AP2A2: variants seen among roughly 807,000 people sequenced by gnomAD.
AP2A2 encodes the protein AP-2 complex subunit alpha-2.
Under a neutral mutation model 104.2 loss-of-function variants are expected in AP2A2, and 32 were observed. The ratio of observed to expected loss-of-function variants is 0.31; its 90% CI spans 0.23 to 0.41. The LOEUF is 0.41. Ranked by LOEUF, AP2A2 falls within the 10% of genes least tolerant of loss-of-function variation. The pLI is 1.00. For missense variants in AP2A2, 912 were observed against 1,261.0 expected (o/e 0.72, Z 4.19); for synonymous variants, 539 against 533.3 (o/e 1.01, Z -0.15).
chr11:983,434 G>C (rs1176396073), intron 6 of AP2A2, among the ~76,000 whole-genome samples: 1 of 151,552 alleles, frequency 6.6e-6, no homozygotes, highest in Non-Finnish European at 1.5e-5. Context: ...CCAGGCTGGA[G>C]TGCAGTGGCA....
intron 16 of AP2A2, among the ~76,000 whole-genome samples, chr11:1,004,541 C>T (rs1363603981): frequency 1.3e-5 from 2 of 151,656 alleles, no homozygotes; most frequent in Non-Finnish European, 2.9e-5. Flanking sequence ...TTTGGGAGGC[C>T]GAGGTGGGAG....
At position 989,915 on chromosome 11, in the gene AP2A2, G is replaced by GT. The variant is rs200935781; in HGVS notation, c.1269+1234dup. Among the ~76,000 whole-genome samples the GT allele has an allele frequency of 3.9e-3, 586 of 152,144 alleles. 3 individuals carry two copies. Among genetic ancestry groups the GT allele is most frequent in the African/African-American group, 0.014 (568 of 41,514 alleles). ...TTGTATAGAAAGCGCTTTGTTATTT[G>GT]TTTTTTTTGGGCGAAGTGCGGCTCA... On this transcript the variant is annotated intron_variant, in intron 10 of 21. Transcript: ENST00000448903.
intron 2 of AP2A2, among the ~76,000 whole-genome samples, chr11:960,099 C>G (rs1242650528): frequency 1.3e-5 from 2 of 152,140 alleles, no homozygotes; most frequent in Non-Finnish European, 2.9e-5. Context: ...CTGAAATTGC[C>G]CAGGCACAAT....
intron 1 of AP2A2, among the ~76,000 whole-genome samples, chr11:939,978 CAG>C (rs1853591949): frequency 9.3e-6 from 1 of 107,530 alleles, no homozygotes; most frequent in Non-Finnish European, 1.8e-5. Flanking sequence ...TTTTTTGAGA[CAG>C]AGTTTCACTC....
At chr11:970,087 TACTGCTGC>T in intron 2 of AP2A2, 74 bp from the exon 3 acceptor site, 1 of 1,495,264 alleles carries the variant, frequency 6.7e-7, no homozygotes, top group Admixed American at 1.8e-5. Context: ...CTGCCTGCTG[TACTGCTGC>T]ACTGCCCTCT....
chr11:1,008,649 C>T (rs1441146705), intron 18 of AP2A2: 4 of 211,682 alleles, frequency 1.9e-5, no homozygotes, highest in Non-Finnish European at 3.7e-5. Flanking sequence ...TCAGCCCGTC[C>T]CCTGCTGGGT....
Position 992,532 on chromosome 11 carries a change from G to A in AP2A2, c.1299G>A (p.Lys433=). The A allele has an allele frequency of 1.9e-6, 3 of 1,606,752 alleles. No homozygotes were observed. The highest frequency in any genetic ancestry group is 2.5e-6 in the Non-Finnish European group (3 of 1,176,656). The change falls in exon 11 of 22, where the codon AAG becomes AAA. Residue 433 remains lysine (K), a synonymous_variant. Coordinates refer to ENST00000448903, the MANE Select transcript of AP2A2 (RefSeq NM_012305.4). The surrounding 1 kb of genome is among the most constrained non-coding windows in gnomAD (Gnocchi z 6.4). The stretch of plus-strand genomic sequence containing the variant: ...TGAAGGTCGCCATCCTGGCTGAGAA[G>A]TACGCGGTGGACTACACCTGGTATG... ...IVLKVAILAE[K]YAVDYTWYVD... is the part of the protein sequence containing the mutation.
rs369864732 is a variant in AP2A2, at chr11:950,174, A to G, written c.68-9263A>G. 7.2e-5 allele frequency among the ~76,000 whole-genome samples: 11 copies of G among 152,278 alleles called. No individual in the cohort carries two copies. The South Asian group carries it at 2.3e-3, about 32-fold the overall frequency. ...TGCTGGGATGACTGAATCTCCATGT[A>G]AAAGTATGTAAATGGACTCCTACCT... is the stretch of plus-strand genomic sequence containing the variant. On this transcript the variant is annotated intron_variant, in intron 1 of 21. Coordinates refer to ENST00000448903, the MANE Select transcript of AP2A2 (RefSeq NM_012305.4).
chr11:958,527 C>T (rs565609503), intron 1 of AP2A2, among the ~76,000 whole-genome samples: 1 of 152,246 alleles, frequency 6.6e-6, no homozygotes, highest in African/African-American at 2.4e-5. Flanking sequence ...AAAAGAAAGA[C>T]TATTTTAAAT....
intron 2 of AP2A2, 112 bp from the exon 3 acceptor site, chr11:970,057 C>T (rs1854765085): frequency 8.2e-7 from 1 of 1,221,256 alleles, no homozygotes; most frequent in Admixed American, 2.1e-5. Flanking sequence ...GGCCACCCCT[C>T]TCCTGGAGGC....
chr11:953,814 C>CAG (rs1167090800), intron 1 of AP2A2, among the ~76,000 whole-genome samples: 3 of 151,588 alleles, frequency 2.0e-5, no homozygotes, highest in Non-Finnish European at 4.4e-5. Context: ...AGACGTGACA[C>CAG]TACTCTTCTC....
chr11:951,041 G>A (rs1288080997), intron 1 of AP2A2, among the ~76,000 whole-genome samples: 6 of 151,462 alleles, frequency 4.0e-5, no homozygotes, highest in African/African-American at 1.5e-4. Context: ...GCAGTGAGCC[G>A]AGGTCATGTC....
At chr11:997,777 T>TCACAC (rs1855900970) in intron 14 of AP2A2, among the ~76,000 whole-genome samples, 1 of 152,116 alleles carries the variant, frequency 6.6e-6, no homozygotes, top group Non-Finnish European at 1.5e-5. Context: ...TGGTGGTGTG[T>TCACAC]GCCTGTAATC....
intron 6 of AP2A2, among the ~76,000 whole-genome samples, chr11:981,848 A>G (rs1855252302): frequency 6.6e-6 from 1 of 152,194 alleles, no homozygotes; most frequent in Non-Finnish European, 1.5e-5. Context: ...GCAGTCTTGG[A>G]TGTCCCTTGG....
chr11:926,207 CCGGGGCCTGAGGGTGCGGGCGGCGCT>C, intron 1 of AP2A2, 119 bp downstream of exon 1: 1 of 547,742 alleles, frequency 1.8e-6, no homozygotes, highest in Non-Finnish European at 2.4e-6. Flanking sequence ...CGGGCGGGGC[CCGGGGCCTGAGGGTGCGGGCGGCGCT>C]CGGGGTCTTG....
chr11:979,848 A>G (rs554608957), intron 5 of AP2A2, among the ~76,000 whole-genome samples: 7 of 152,234 alleles, frequency 4.6e-5, no homozygotes, highest in Admixed American at 6.5e-5. Flanking sequence ...ATTACAGCAT[A>G]AGCCACCGTG....
At chr11:977,030 G>T in intron 4 of AP2A2, 65 bp from the exon 5 acceptor site, 13 of 1,600,842 alleles carry the variant, frequency 8.1e-6, no homozygotes, top group Non-Finnish European at 1.1e-5. Context: ...CTCTGGGGGG[G>T]TGCTCCGTGC....
At chr11:1,008,495 C>T (rs926056451) in intron 18 of AP2A2, 12 of 228,214 alleles carry the variant, frequency 5.3e-5, no homozygotes, top group East Asian at 2.0e-4. Context: ...TGGTTTCCTT[C>T]GGCCCCCTGG....
Position 1,009,203 on chromosome 11 carries a change from A to G in AP2A2, c.2524A>G (p.Lys842Glu), listed in dbSNP as rs775427539. 1 of 1,613,684 alleles carries G rather than the reference A, an allele frequency of 6.2e-7. No individual in the cohort carries two copies. The highest frequency in any genetic ancestry group is 8.5e-7 in the Non-Finnish European group (1 of 1,179,800). The change falls in exon 19 of 22, where the codon AAG becomes GAG. Residue 842 changes from lysine (K) to glutamate (E), a missense_variant. Lys to Glu is a moderately conservative substitution (Grantham distance 56). Coordinates refer to ENST00000448903, the MANE Select transcript of AP2A2 (RefSeq NM_012305.4). ...TTCTCAGGATTTCTTTCAACGTTGGAAGCAGTTGAGCAAGTGAGAAACCTG... is the reference window on the plus strand; with the variant it reads ...TTCTCAGGATTTCTTTCAACGTTGGGAGCAGTTGAGCAAGTGAGAAACCTG... ...MASQDFFQRW[K>E]QLSNPQQEVQ...
Sources: gnomAD v4.1 joint callset for allele counts (sites outside exome capture counted in the v4.1 genomes callset) on GRCh38, gnomAD v4.1.1 for gene constraint, Gnocchi (gnomAD v3.1) non-coding constraint, MANE v1.5 for transcripts, NCBI Gene and HGNC (gene_info 2026-07-23, HGNC 2026-07-21) for gene names.